Variants in TENM2 observed in about 807,000 individuals in gnomAD.
TENM2 encodes teneurin-2.
Under a neutral mutation model 245.2 loss-of-function variants are expected in TENM2, and 52 were observed. That is an observed-to-expected ratio of 0.21 (90% CI 0.17 to 0.27). The LOEUF is 0.27. Among genes scored for constraint, TENM2 ranks in the 10% least tolerant of loss-of-function variants. TENM2 has a pLI of 1.00. For synonymous variants in TENM2, 1,363 were observed against 1,438.9 expected, an observed-to-expected ratio of 0.95 and a Z score of 1.19; for missense variants, 3,046 against 3,666.8, an observed-to-expected ratio of 0.83 and a Z score of 4.37.
chr5:168,188,059 T>C (rs1381992536), intron 13 of TENM2, among the ~76,000 whole-genome samples: 4 of 152,224 alleles, frequency 2.6e-5, no homozygotes, highest in African/African-American at 9.6e-5. Flanking sequence ...AGGCAAAACA[T>C]GCAACCTCCT....
At chr5:167,962,198 G>T (rs934548149) in intron 4 of TENM2, among the ~76,000 whole-genome samples, 1 of 151,858 alleles carries the variant, frequency 6.6e-6, no homozygotes, top group Non-Finnish European at 1.5e-5. Flanking sequence ...TTTCTCCAAG[G>T]ATTAGGACTT....
chr5:167,225,306 T>C, the TENM2 span, among the ~76,000 whole-genome samples: 1 of 152,068 alleles, frequency 6.6e-6, no homozygotes, highest in African/African-American at 2.4e-5. Context: ...GGGTTTTTCA[T>C]ACATGTTCTT....
chr5:167,480,652 C>T (rs541076054), intron 2 of TENM2, among the ~76,000 whole-genome samples: 27 of 152,262 alleles, frequency 1.8e-4, no homozygotes, highest in African/African-American at 6.3e-4. Context: ...GAACTTTGCA[C>T]CAAGGATATG....
the TENM2 span, among the ~76,000 whole-genome samples, chr5:167,219,456 T>A: frequency 6.6e-6 from 1 of 152,196 alleles, no homozygotes; most frequent in Non-Finnish European, 1.5e-5. Context: ...ATCAGACCAG[T>A]GCTAACAGGC....
intron 2 of TENM2, among the ~76,000 whole-genome samples, chr5:167,507,620 T>G (rs2127564505): frequency 6.6e-6 from 1 of 152,274 alleles, no homozygotes; most frequent in African/African-American, 2.4e-5. Context: ...ACTAGTGTCA[T>G]GAGTAATAAT....
the TENM2 span, among the ~76,000 whole-genome samples, chr5:167,042,180 C>T: frequency 6.6e-6 from 1 of 152,198 alleles, no homozygotes; most frequent in African/African-American, 2.4e-5. Context: ...ATATTTTTGA[C>T]ATTAACATTA....
At chr5:167,583,006 G>C (rs1775201768) in intron 2 of TENM2, among the ~76,000 whole-genome samples, 1 of 152,144 alleles carries the variant, frequency 6.6e-6, no homozygotes, top group Admixed American at 6.5e-5. Flanking sequence ...TGACAGTCCA[G>C]CACTTGCTGC....
intron 2 of TENM2, among the ~76,000 whole-genome samples, chr5:167,501,921 A>G (rs1014232736): frequency 1.2e-4 from 18 of 152,316 alleles, no homozygotes; most frequent in African/African-American, 4.3e-4. Flanking sequence ...TATTATTTGT[A>G]TAATTGCCAC....
At chr5:167,681,570 T>A (rs1352782401) in intron 2 of TENM2, among the ~76,000 whole-genome samples, 1 of 152,138 alleles carries the variant, frequency 6.6e-6, no homozygotes. Flanking sequence ...GTATGTGTGC[T>A]TGTGTGTGTA....
intron 2 of TENM2, among the ~76,000 whole-genome samples, chr5:167,662,101 A>G (rs1220683108): frequency 6.6e-6 from 1 of 152,238 alleles, no homozygotes; most frequent in Non-Finnish European, 1.5e-5. Flanking sequence ...CCGCAAAGGA[A>G]ATTAAGGTGC....
chr5:167,852,696 C>T (rs904056940), intron 2 of TENM2, among the ~76,000 whole-genome samples: 1 of 152,114 alleles, frequency 6.6e-6, no homozygotes, highest in African/African-American at 2.4e-5. Flanking sequence ...TATGAGTCTT[C>T]TAGGAACCAA....
At chr5:167,066,295 A>C in the TENM2 span, among the ~76,000 whole-genome samples, 10 of 152,296 alleles carry the variant, frequency 6.6e-5, no homozygotes, top group African/African-American at 2.4e-4. Flanking sequence ...GCTTCCATAC[A>C]CAAAGGTCAG....
chr5:167,455,897 A>G (rs1765893923), intron 2 of TENM2, among the ~76,000 whole-genome samples: 1 of 152,208 alleles, frequency 6.6e-6, no homozygotes, highest in Admixed American at 6.5e-5. Flanking sequence ...TTGTCCATAT[A>G]ATAATCTAGA....
chr5:167,152,759 G>A, the TENM2 span, among the ~76,000 whole-genome samples: 1 of 152,110 alleles, frequency 6.6e-6, no homozygotes, highest in Admixed American at 6.5e-5. Context: ...GGATTCGCTG[G>A]ACAAGAGGAT....
the TENM2 span, among the ~76,000 whole-genome samples, chr5:167,182,874 C>T: frequency 0.082 from 12,500 of 152,116 alleles, 1,737 homozygotes; most frequent in African/African-American, 0.28. Flanking sequence ...AATGTGTGCA[C>T]TTTCTATTAA....
At chr5:167,001,951 G>A in the TENM2 span, among the ~76,000 whole-genome samples, 1 of 152,012 alleles carries the variant, frequency 6.6e-6, no homozygotes, top group Admixed American at 6.6e-5. Context: ...TTACTTGCTT[G>A]AGTTGATTTA....
At chr5:167,897,291 C>CTT (rs35104265) in intron 3 of TENM2, among the ~76,000 whole-genome samples, 141 of 149,018 alleles carry the variant, frequency 9.5e-4, no homozygotes, top group Non-Finnish European at 1.3e-3. Flanking sequence ...GAACTGGTAC[C>CTT]TTTTTTTTTT....
At chr5:167,270,310 T>C in the TENM2 span, among the ~76,000 whole-genome samples, 2 of 152,168 alleles carry the variant, frequency 1.3e-5, no homozygotes, top group Non-Finnish European at 2.9e-5. Context: ...ACTGTTATTG[T>C]TCATGGCCAG....
At chr5:167,637,762 A>G (rs1483685164) in intron 2 of TENM2, among the ~76,000 whole-genome samples, 5 of 152,148 alleles carry the variant, frequency 3.3e-5, no homozygotes, top group Admixed American at 1.3e-4. Context: ...GAGCTGAACA[A>G]TGAGAACACA....
Sources: allele counts gnomAD v4.1 joint callset (sites outside exome capture counted in the v4.1 genomes callset), GRCh38; gene constraint gnomAD v4.1.1; transcripts MANE v1.5; gene names NCBI Gene and HGNC (gene_info 2026-07-23, HGNC 2026-07-21).